Variants in DNAH6 observed in about 807,000 individuals in gnomAD.
The protein encoded by DNAH6 is dynein axonemal heavy chain 6.
Under a neutral mutation model 491.4 loss-of-function variants are expected in DNAH6, and 340 were observed. The observed-to-expected ratio is 0.69, with a 90% CI of 0.63 to 0.76. The LOEUF is 0.76. Ranked by LOEUF, DNAH6 falls within the 30% of genes least tolerant of loss-of-function variation. DNAH6 has a pLI of 0.00. For missense variants in DNAH6, 4,443 were observed against 4,972.2 expected (o/e 0.89, Z 3.20); for synonymous variants, 1,603 against 1,686.1 (o/e 0.95, Z 1.21).
At chr2:84,585,778 T>C (rs1683477576) in intron 15 of DNAH6, among the ~76,000 whole-genome samples, 1 of 152,174 alleles carries the variant, frequency 6.6e-6, no homozygotes, top group Non-Finnish European at 1.5e-5. Flanking sequence ...CAGCTGGTTG[T>C]CCCATTATCT....
At chr2:84,541,374 T>C (rs1484208170) in intron 4 of DNAH6, among the ~76,000 whole-genome samples, 2 of 152,190 alleles carry the variant, frequency 1.3e-5, no homozygotes, top group Non-Finnish European at 2.9e-5. Flanking sequence ...ACCGACTGGA[T>C]TGGGCTTGAG....
chr2:84,740,014 CTTTTTTT>C (rs879926329), intron 62 of DNAH6, among the ~76,000 whole-genome samples: 2 of 140,166 alleles, frequency 1.4e-5, no homozygotes, highest in African/African-American at 5.2e-5. Flanking sequence ...TGATACTTCT[CTTTTTTT>C]TTTTTTTAAT....
In DNAH6 at chr2:84,776,896, G is replaced by A. The variant is rs570915756; in HGVS notation, c.10704-4597G>A. On this transcript the variant is annotated intron_variant, in intron 64 of 76. Coordinates refer to ENST00000389394, the MANE Select transcript of DNAH6 (RefSeq NM_001370.2). ...TAAGAAAATGTGGCACATATACACC[G>A]TGGAATACTATGCAGCCATGTAAAA... is the stretch of plus-strand genomic sequence containing the variant. Among the ~76,000 whole-genome samples, 196 of 152,280 alleles carry A rather than the reference G, an allele frequency of 1.3e-3. 6 individuals are homozygous for A. The South Asian group carries it at 0.035, about 27-fold the overall frequency.
At chr2:84,690,770 G>A (rs1464153067) in intron 45 of DNAH6, among the ~76,000 whole-genome samples, 3 of 152,198 alleles carry the variant, frequency 2.0e-5, no homozygotes, top group Non-Finnish European at 4.4e-5. Context: ...GCTTTTAAGA[G>A]CGTTCAAACA....
chr2:84,624,514 G>A lies in DNAH6; in HGVS notation c.4247G>A (p.Trp1416Ter). 1.3e-6 allele frequency: 2 copies of A among 1,551,898 alleles called. No homozygotes were observed. The highest frequency in any genetic ancestry group is 1.7e-6 in the Non-Finnish European group (2 of 1,147,008). Residue 1416 changes from tryptophan (W) to a stop codon, truncating the protein, a stop_gained, in exon 28 of 77, where the codon TGG becomes TAG. Coordinates refer to ENST00000389394, the MANE Select transcript of DNAH6 (RefSeq NM_001370.2). LOFTEE classifies it high-confidence loss of function. Reference sequence around the variant, plus strand: ...TGGCAGAGACAACTGCGCTATTACTGGGATATAGACCTGGATAATTGTGTG... The same window carrying A: ...TGGCAGAGACAACTGCGCTATTACTAGGATATAGACCTGGATAATTGTGTG... Reference protein sequence around the residue: ...FDWQRQLRYYWDIDLDNCVAR... With the variant: ...FDWQRQLRYY
At chr2:84,528,883 T>TC (rs35980296) in intron 3 of DNAH6, 21 bp from the exon 4 acceptor site, 2 of 1,513,110 alleles carry the variant, frequency 1.3e-6, no homozygotes, top group Non-Finnish European at 1.8e-6. Context: ...TTTTTTTTTT[T>TC]CAAAAATTGG....
intron 11 of DNAH6, among the ~76,000 whole-genome samples, chr2:84,571,138 A>T (rs1176022367): frequency 6.6e-6 from 1 of 152,378 alleles, no homozygotes; most frequent in Non-Finnish European, 1.5e-5. Flanking sequence ...ATGAATTAAC[A>T]AACTAATTGA....
chr2:84,677,631 T>C (rs969917371), intron 41 of DNAH6, among the ~76,000 whole-genome samples: 1 of 152,214 alleles, frequency 6.6e-6, no homozygotes, highest in African/African-American at 2.4e-5. Context: ...CCATCTGTAC[T>C]CACTTCCCTA....
chr2:84,745,292 C>T, intron 63 of DNAH6, 43 bp downstream of exon 63: 1 of 1,313,638 alleles, frequency 7.6e-7, no homozygotes, highest in Non-Finnish European at 1.0e-6. Flanking sequence ...ACAATTATTT[C>T]TACTAAAGCT....
At chr2:84,816,166 C>G in intron 76 of DNAH6, 83 bp downstream of exon 76, 1 of 1,115,384 alleles carries the variant, frequency 9.0e-7, no homozygotes, top group Non-Finnish European at 1.3e-6. Context: ...GTGATTGGCT[C>G]AAGATCTCCC....
At chr2:84,775,626 A>T (rs1676046303) in intron 64 of DNAH6, among the ~76,000 whole-genome samples, 1 of 152,054 alleles carries the variant, frequency 6.6e-6, no homozygotes, top group Non-Finnish European at 1.5e-5. Flanking sequence ...TTCCACTGTG[A>T]ATCTTTCTGG....
chr2:84,709,751 G>T lies in DNAH6; in HGVS notation c.9252+205G>T, dbSNP rs941248838. ...AAAGTAAGAAAGGAAGAATTGAAGT[G>T]CTCCCGTACTTGATTTTGATTGGTT... On this transcript the variant is annotated intron_variant, in intron 55 of 76. Transcript: ENST00000389394. 2.6e-5 allele frequency among the ~76,000 whole-genome samples: 4 copies of T among 152,178 alleles called. No homozygotes were observed. The South Asian group carries it at 8.3e-4, about 32-fold the overall frequency.
At chr2:84,582,351 G>A (rs1295141378) in intron 14 of DNAH6, among the ~76,000 whole-genome samples, 2 of 152,176 alleles carry the variant, frequency 1.3e-5, no homozygotes, top group African/African-American at 4.8e-5. Flanking sequence ...GGTTAAAAAT[G>A]TATATTCTTC....
chr2:84,579,194 G>T (rs1682771840), intron 13 of DNAH6, among the ~76,000 whole-genome samples: 1 of 152,188 alleles, frequency 6.6e-6, no homozygotes, highest in African/African-American at 2.4e-5. Flanking sequence ...CCCCCAAACT[G>T]CATGGCTAGC....
chr2:84,767,427 G>A (rs1675187987), intron 64 of DNAH6, among the ~76,000 whole-genome samples: 1 of 151,962 alleles, frequency 6.6e-6, no homozygotes. Context: ...TCAGAAGGCT[G>A]AAGTAAGAGG....
In DNAH6 at chr2:84,677,082, C is replaced by T. The variant is rs376746872; in HGVS notation, c.6690C>T (p.Phe2230=). 12 of 1,551,644 alleles carry T rather than the reference C, an allele frequency of 7.7e-6. No homozygotes were observed. Among genetic ancestry groups the T allele is most frequent in the African/African-American group, 1.4e-5 (1 of 73,064 alleles). The stretch of plus-strand genomic sequence containing the variant: ...TGACTCCCCGCTTCATCAGACACTT[C>T]AGCATGCTGTGCCTCCCAATGCCCT... ...NPVTPRFIRH[F]SMLCLPMPSE... The change falls in exon 41 of 77, where the codon TTC becomes TTT. Residue 2230 remains phenylalanine (F), a synonymous_variant. Coordinates refer to ENST00000389394, the MANE Select transcript of DNAH6 (RefSeq NM_001370.2).
chr2:84,639,695 C>A (rs935739155), intron 31 of DNAH6, among the ~76,000 whole-genome samples: 2 of 152,100 alleles, frequency 1.3e-5, no homozygotes, highest in African/African-American at 4.8e-5. Flanking sequence ...GCTGGGATTA[C>A]AGGTGTGAGC....
Position 84,595,743 on chromosome 2 carries a change from G to A in DNAH6, c.2822G>A (p.Ser941Asn), listed in dbSNP as rs1684515187. The change falls in exon 18 of 77, where the codon AGT becomes AAT. Residue 941 changes from serine to asparagine, a missense_variant. Ser to Asn is a conservative substitution (Grantham distance 46). Coordinates refer to ENST00000389394, the MANE Select transcript of DNAH6 (RefSeq NM_001370.2). ...TQLEKGLPPN[S>N]VVPQLKYKVE... ...CTGGAAAAAGGCTTGCCACCCAACAGTGTAGTGCCCCAGCTCAAATACAAG... is the reference window on the plus strand; with the variant it reads ...CTGGAAAAAGGCTTGCCACCCAACAATGTAGTGCCCCAGCTCAAATACAAG... 2 of 1,550,798 alleles carry A rather than the reference G, an allele frequency of 1.3e-6. No homozygotes were observed. The highest frequency in any genetic ancestry group is 1.7e-6 in the Non-Finnish European group (2 of 1,146,740).
chr2:84,624,189 T>A (rs1361805867), intron 26 of DNAH6, 76 bp from the exon 27 acceptor site: 3 of 1,325,338 alleles, frequency 2.3e-6, no homozygotes, highest in African/African-American at 1.5e-5. Context: ...CTCTCCAAAT[T>A]GAATGGTGAA....
Sources: allele counts gnomAD v4.1 joint callset (sites outside exome capture counted in the v4.1 genomes callset), GRCh38; gene constraint gnomAD v4.1.1; transcripts MANE v1.5; gene names NCBI Gene and HGNC (gene_info 2026-07-23, HGNC 2026-07-21).